ENTREP2: variants seen among roughly 807,000 people sequenced by gnomAD.
ENTREP2 encodes endosomal transmembrane epsin interactor 2, also known as protein ENTREP2.
chr15:29,342,282 C>T, the ENTREP2 span, among the ~76,000 whole-genome samples: 1 of 152,194 alleles, frequency 6.6e-6, no homozygotes, highest in African/African-American at 2.4e-5. Context: ...GACTGCTGTG[C>T]GTTCCATGCA....
At chr15:29,436,740 C>T in the ENTREP2 span, among the ~76,000 whole-genome samples, 1 of 152,216 alleles carries the variant, frequency 6.6e-6, no homozygotes, top group African/African-American at 2.4e-5. Context: ...CAAGGGAACA[C>T]TGATGCCAAT....
chr15:29,358,317 AAAGC>A, the ENTREP2 span, among the ~76,000 whole-genome samples: 1 of 152,252 alleles, frequency 6.6e-6, no homozygotes, highest in Admixed American at 6.5e-5. Context: ...TGAATGAAAA[AAAGC>A]AAGTAATCAA....
At chr15:29,674,709 G>A in the ENTREP2 span, among the ~76,000 whole-genome samples, 1 of 151,344 alleles carries the variant, frequency 6.6e-6, no homozygotes, top group Non-Finnish European at 1.5e-5. Flanking sequence ...CATGCCGGGG[G>A]GGCGGAGGGA....
chr15:29,532,538 G>C, the ENTREP2 span, among the ~76,000 whole-genome samples: 1 of 152,172 alleles, frequency 6.6e-6, no homozygotes, highest in Non-Finnish European at 1.5e-5. Flanking sequence ...CCTACCAAGA[G>C]AAGCTGCAAC....
the ENTREP2 span, among the ~76,000 whole-genome samples, chr15:29,653,973 A>C: frequency 6.6e-6 from 1 of 152,198 alleles, no homozygotes; most frequent in Non-Finnish European, 1.5e-5. Flanking sequence ...TTTCTGCTCA[A>C]GATTTCCAAG....
At chr15:29,591,093 CT>C in the ENTREP2 span, among the ~76,000 whole-genome samples, 1 of 152,076 alleles carries the variant, frequency 6.6e-6, no homozygotes, top group African/African-American at 2.4e-5. Context: ...TAAAAACATC[CT>C]TTTTTTCCTG....
the ENTREP2 span, among the ~76,000 whole-genome samples, chr15:29,465,926 G>A: frequency 6.6e-6 from 1 of 152,214 alleles, no homozygotes; most frequent in Non-Finnish European, 1.5e-5. Context: ...TTTGTGGCCT[G>A]AGATCTGGCA....
the ENTREP2 span, among the ~76,000 whole-genome samples, chr15:29,275,592 CTAAGA>C: frequency 1.3e-5 from 2 of 152,194 alleles, 1 homozygote; most frequent in South Asian, 4.1e-4. Flanking sequence ...GCTAAGCTAG[CTAAGA>C]TTTCAAGTGC....
At chr15:29,306,436 A>G in the ENTREP2 span, among the ~76,000 whole-genome samples, 2 of 152,296 alleles carry the variant, frequency 1.3e-5, no homozygotes, top group East Asian at 1.9e-4. Context: ...TTACACTCAC[A>G]GAGAAGAAAA....
At chr15:29,151,240 C>T in the ENTREP2 span, among the ~76,000 whole-genome samples, 1 of 152,144 alleles carries the variant, frequency 6.6e-6, no homozygotes, top group Non-Finnish European at 1.5e-5. Flanking sequence ...TGACCCTGGG[C>T]AAAGGGTCAA....
the ENTREP2 span, among the ~76,000 whole-genome samples, chr15:29,653,532 TG>T: frequency 6.6e-6 from 1 of 152,174 alleles, no homozygotes; most frequent in Non-Finnish European, 1.5e-5. Flanking sequence ...CTCATCATAG[TG>T]AGTGAGATGT....
At chr15:29,284,518 C>T in the ENTREP2 span, among the ~76,000 whole-genome samples, 6 of 147,778 alleles carry the variant, frequency 4.1e-5, no homozygotes, top group African/African-American at 1.5e-4. Flanking sequence ...GATTGCACCA[C>T]TGCACTCCAG....
At chr15:29,632,528 T>A in the ENTREP2 span, among the ~76,000 whole-genome samples, 1 of 152,160 alleles carries the variant, frequency 6.6e-6, no homozygotes, top group African/African-American at 2.4e-5. Flanking sequence ...ATGCCTGTAA[T>A]CCCAACACTT....
the ENTREP2 span, among the ~76,000 whole-genome samples, chr15:29,662,663 C>T: frequency 6.6e-6 from 1 of 152,280 alleles, no homozygotes; most frequent in East Asian, 1.9e-4. Flanking sequence ...CTCTCTGCTG[C>T]CCCTCTCCAT....
chr15:29,624,174 A>G, the ENTREP2 span, among the ~76,000 whole-genome samples: 8 of 152,296 alleles, frequency 5.3e-5, 1 homozygote, highest in South Asian at 1.4e-3. Flanking sequence ...TTCTTAGTCT[A>G]TATCCTATGA....
chr15:29,493,125 C>CTTTTTTTTT, the ENTREP2 span, among the ~76,000 whole-genome samples: 2 of 84,774 alleles, frequency 2.4e-5, 1 homozygote, highest in African/African-American at 1.1e-4. Context: ...CCTGACAACC[C>CTTTTTTTTT]TTTTTTTTTT....
At chr15:29,354,323 C>T in the ENTREP2 span, among the ~76,000 whole-genome samples, 1 of 152,192 alleles carries the variant, frequency 6.6e-6, no homozygotes, top group Non-Finnish European at 1.5e-5. Context: ...GGTCTCCAGC[C>T]TGGAGATGGC....
the ENTREP2 span, among the ~76,000 whole-genome samples, chr15:29,159,368 C>G: frequency 6.6e-6 from 1 of 152,066 alleles, no homozygotes; most frequent in East Asian, 1.9e-4. Context: ...CAAGGTGGAC[C>G]GAGAGAGTGA....
At chr15:29,537,780 C>T in the ENTREP2 span, among the ~76,000 whole-genome samples, 1 of 152,158 alleles carries the variant, frequency 6.6e-6, no homozygotes, top group African/African-American at 2.4e-5. Context: ...ACTCAGGAGG[C>T]CCCTACTGAT....
Sources: gnomAD v4.1 joint callset for allele counts (sites outside exome capture counted in the v4.1 genomes callset) on GRCh38, gnomAD v4.1.1 for gene constraint, MANE v1.5 for transcripts, NCBI Gene and HGNC (gene_info 2026-07-23, HGNC 2026-07-21) for gene names.